SUGCT: variants seen among roughly 807,000 people sequenced by gnomAD.
SUGCT encodes the protein succinyl-CoA:glutarate CoA-transferase.
In SUGCT, 41 loss-of-function variants were observed where a neutral mutation model predicts 55.0. The observed-to-expected ratio is 0.74, with a 90% CI of 0.58 to 0.97. The LOEUF (loss-of-function observed/expected upper bound fraction) is 0.97, where lower values mean the gene tolerates loss of function less well. Ranked by LOEUF, SUGCT falls within the 50% of genes least tolerant of loss-of-function variation. The pLI, the probability that SUGCT is intolerant of heterozygous loss-of-function variation, is 0.00. For synonymous variants in SUGCT, 187 were observed against 200.4 expected, an observed-to-expected ratio of 0.93 and a Z score of 0.56; for missense variants, 568 against 547.8, an observed-to-expected ratio of 1.04 and a Z score of -0.37.
At chr7:41,037,137 A>G in the SUGCT span, among the ~76,000 whole-genome samples, 1 of 152,240 alleles carries the variant, frequency 6.6e-6, no homozygotes, top group African/African-American at 2.4e-5. Flanking sequence ...TACGTGTGTG[A>G]AATTTGTAGC....
the SUGCT span, among the ~76,000 whole-genome samples, chr7:40,875,664 G>A: frequency 6.6e-6 from 1 of 152,180 alleles, no homozygotes; most frequent in Non-Finnish European, 1.5e-5. Context: ...GTCTACAAGT[G>A]CATTCCTAAT....
chr7:40,211,174 A>G (rs1425791515), intron 6 of SUGCT, among the ~76,000 whole-genome samples: 2 of 151,950 alleles, frequency 1.3e-5, no homozygotes, highest in African/African-American at 4.8e-5. Context: ...GGGTTTCGCC[A>G]TATTGCCCAG....
At chr7:40,852,678 C>T (rs1402434164) in intron 13 of SUGCT, among the ~76,000 whole-genome samples, 2 of 150,900 alleles carry the variant, frequency 1.3e-5, no homozygotes, top group Non-Finnish European at 2.9e-5. Context: ...CCCCACTGTT[C>T]GTATTGATAG....
intron 12 of SUGCT, among the ~76,000 whole-genome samples, chr7:40,564,970 A>G (rs1484088829): frequency 6.6e-6 from 1 of 152,212 alleles, no homozygotes; most frequent in Non-Finnish European, 1.5e-5. Context: ...CTCAAGATCC[A>G]ATTTCCTGTA....
At position 40,611,118 on chromosome 7, in the gene SUGCT, A is replaced by G. The variant is rs554428923; in HGVS notation, c.1089+114732A>G. 4.6e-5 allele frequency among the ~76,000 whole-genome samples: 7 copies of G among 152,074 alleles called. No homozygotes were observed. In the East Asian group the frequency reaches 1.4e-3, roughly 29 times the overall value. ...ACATTTGCTGTACATTTCATGGTTC[A>G]CTCATACAGTTTTTTAGTCAGGGTG... On this transcript the variant is annotated intron_variant, in intron 12 of 13. Coordinates refer to ENST00000335693, the MANE Select transcript of SUGCT (RefSeq NM_001193313.2).
intron 12 of SUGCT, among the ~76,000 whole-genome samples, chr7:40,568,493 C>A (rs1163998117): frequency 3.9e-5 from 6 of 152,194 alleles, no homozygotes; most frequent in Non-Finnish European, 2.9e-5. Context: ...CTATAAAAAA[C>A]AGCTTTCAGA....
intron 12 of SUGCT, among the ~76,000 whole-genome samples, chr7:40,661,263 C>G (rs1801289866): frequency 1.3e-5 from 2 of 152,146 alleles, no homozygotes; most frequent in African/African-American, 4.8e-5. Flanking sequence ...CATTGCTCAT[C>G]ATGTTACACT....
intron 12 of SUGCT, among the ~76,000 whole-genome samples, chr7:40,706,505 CA>C (rs945060356): frequency 2.2e-4 from 33 of 151,216 alleles, no homozygotes; most frequent in African/African-American, 7.3e-4. Context: ...GACTCTGTCT[CA>C]AAAAAAAGAA....
At chr7:40,701,754 G>A (rs902797624) in intron 12 of SUGCT, among the ~76,000 whole-genome samples, 5 of 152,158 alleles carry the variant, frequency 3.3e-5, no homozygotes, top group Admixed American at 3.3e-4. Flanking sequence ...ATCCCCAATT[G>A]CTAAACTTCA....
At chr7:40,257,500 G>C (rs1032357035) in intron 7 of SUGCT, among the ~76,000 whole-genome samples, 2 of 152,018 alleles carry the variant, frequency 1.3e-5, no homozygotes, top group African/African-American at 4.8e-5. Flanking sequence ...AAAAGAGAAA[G>C]CTTCTTTTTA....
At chr7:40,460,780 T>C (rs1789752701) in intron 11 of SUGCT, among the ~76,000 whole-genome samples, 1 of 152,226 alleles carries the variant, frequency 6.6e-6, no homozygotes, top group Non-Finnish European at 1.5e-5. Context: ...TCTGCAACCT[T>C]CTTCTTTCTG....
chr7:40,170,727 A>G (rs953694775), intron 1 of SUGCT, among the ~76,000 whole-genome samples: 12 of 151,380 alleles, frequency 7.9e-5, no homozygotes, highest in Admixed American at 3.3e-4. Context: ...GCTGGAGTCT[A>G]GTGGTCCTTT....
chr7:40,906,920 C>T, the SUGCT span, among the ~76,000 whole-genome samples: 1 of 152,036 alleles, frequency 6.6e-6, no homozygotes, highest in Non-Finnish European at 1.5e-5. Flanking sequence ...CAAATCTTCC[C>T]AGAGAGGGAG....
intron 9 of SUGCT, among the ~76,000 whole-genome samples, chr7:40,348,363 G>A (rs1052171577): frequency 1.3e-5 from 2 of 152,186 alleles, no homozygotes; most frequent in African/African-American, 2.4e-5. Context: ...AATGGTAAGG[G>A]TTTACAAAAT....
intron 1 of SUGCT, among the ~76,000 whole-genome samples, chr7:40,146,065 T>A (rs1788228131): frequency 6.6e-6 from 1 of 152,224 alleles, no homozygotes; most frequent in Admixed American, 6.5e-5. Flanking sequence ...AGCCTCATAC[T>A]TTAAGGTTCT....
chr7:41,025,568 G>T, the SUGCT span, among the ~76,000 whole-genome samples: 1 of 152,008 alleles, frequency 6.6e-6, no homozygotes, highest in Non-Finnish European at 1.5e-5. Context: ...TATTGGCCAG[G>T]CTGGTCTCGA....
At chr7:40,681,393 G>A (rs1584264268) in intron 12 of SUGCT, among the ~76,000 whole-genome samples, 1 of 152,254 alleles carries the variant, frequency 6.6e-6, no homozygotes, top group East Asian at 1.9e-4. Flanking sequence ...AGGTTCAGAT[G>A]AGTTTTCAGA....
chr7:40,365,076 G>T (rs10435164), intron 9 of SUGCT, among the ~76,000 whole-genome samples: 15,378 of 152,148 alleles, frequency 0.1, 1,157 homozygotes, highest in East Asian at 0.44. Flanking sequence ...GATCAAGTGG[G>T]CTTCATCCCT....
intron 9 of SUGCT, among the ~76,000 whole-genome samples, chr7:40,400,473 G>A (rs1251198966): frequency 6.6e-6 from 1 of 152,038 alleles, no homozygotes; most frequent in Non-Finnish European, 1.5e-5. Flanking sequence ...TTTCCCTTGG[G>A]GTAGATACTC....
Sources: allele counts gnomAD v4.1 joint callset (sites outside exome capture counted in the v4.1 genomes callset), GRCh38; gene constraint gnomAD v4.1.1; transcripts MANE v1.5; gene names NCBI Gene and HGNC (gene_info 2026-07-23, HGNC 2026-07-21).